The following DPP6 variants were observed in gnomAD, a reference collection of about 807,000 sequenced individuals.
DPP6 encodes the protein A-type potassium channel modulatory protein DPP6.
Under a neutral mutation model 122.6 loss-of-function variants are expected in DPP6, and 69 were observed. The observed-to-expected ratio is 0.56, with a 90% CI of 0.46 to 0.69. The LOEUF is 0.69. Among genes scored for constraint, DPP6 ranks in the 30% least tolerant of loss-of-function variants. The pLI is 0.00. For synonymous variants in DPP6, 418 were observed against 433.1 expected, an observed-to-expected ratio of 0.97 and a Z score of 0.43; for missense variants, 928 against 1,116.9, an observed-to-expected ratio of 0.83 and a Z score of 2.41.
intron 1 of DPP6, among the ~76,000 whole-genome samples, chr7:154,298,497 T>C (rs1477032096): frequency 2.6e-5 from 4 of 152,194 alleles, no homozygotes; most frequent in Non-Finnish European, 5.9e-5. Flanking sequence ...TTCTTATTTT[T>C]CTTACTAATA....
At chr7:154,681,545 G>T (rs535907101) in intron 7 of DPP6, among the ~76,000 whole-genome samples, 1 of 152,208 alleles carries the variant, frequency 6.6e-6, no homozygotes, top group Non-Finnish European at 1.5e-5. Context: ...TCGTCCTGTG[G>T]AGGGAGCAGC....
intron 3 of DPP6, among the ~76,000 whole-genome samples, chr7:154,518,582 A>G (rs1024533914): frequency 6.6e-6 from 1 of 152,154 alleles, no homozygotes; most frequent in African/African-American, 2.4e-5. Flanking sequence ...TATTGGAAGT[A>G]TGTGAAATGG....
chr7:154,562,944 C>A (rs1830518474), intron 4 of DPP6, among the ~76,000 whole-genome samples: 1 of 151,938 alleles, frequency 6.6e-6, no homozygotes, highest in South Asian at 2.1e-4. Context: ...AAGATTAAAA[C>A]CATCTTCCTT....
At chr7:154,000,378 G>A (rs919655001) in intron 1 of DPP6, among the ~76,000 whole-genome samples, 1 of 152,172 alleles carries the variant, frequency 6.6e-6, no homozygotes, top group African/African-American at 2.4e-5. Flanking sequence ...TTAGCTCCCT[G>A]TCTGCTGAGA....
In DPP6 at chr7:154,147,446, TTTCCTTCCTTCCTTCCTTCCTTCC is replaced by T. The variant is rs200682495; in HGVS notation, c.243+94406_243+94429del. On this transcript the variant is annotated intron_variant, in intron 1 of 25. Coordinates refer to ENST00000377770, the MANE Select transcript of DPP6 (RefSeq NM_130797.4). ...GGAGGTTTTACTTTCACTTTATTCA[TTTCCTTCCTTCCTTCCTTCCTTCC>T]TTCCTTCCTTCCTTCCTTCCTTTCT... Among the ~76,000 whole-genome samples, 1,301 of 143,066 alleles carry T rather than the reference TTTCCTTCCTTCCTTCCTTCCTTCC, an allele frequency of 9.1e-3. 14 individuals are homozygous for T. The highest frequency in any genetic ancestry group is 0.032 in the African/African-American group (1,205 of 37,716). The allele number at this position is 143,066 out of a possible 152,430, so 93.9% of individuals were successfully genotyped here.
chr7:154,724,614 C>T (rs1841977671), intron 7 of DPP6, among the ~76,000 whole-genome samples: 2 of 152,184 alleles, frequency 1.3e-5, no homozygotes, highest in Admixed American at 6.5e-5. Flanking sequence ...GCCTTTGGGA[C>T]ACCTTAATGT....
At position 154,203,852 on chromosome 7, in the gene DPP6, T is replaced by C. The variant is rs561972679; in HGVS notation, c.243+150789T>C. Reference sequence around the variant, plus strand: ...CTCCTCAAGTCGTCTACATTTACTTTGCCTCAGTTTCTTATAAGAAGATAG... The same window carrying C: ...CTCCTCAAGTCGTCTACATTTACTTCGCCTCAGTTTCTTATAAGAAGATAG... On this transcript the variant is annotated intron_variant, in intron 1 of 25. Coordinates refer to ENST00000377770, the MANE Select transcript of DPP6 (RefSeq NM_130797.4). Among the ~76,000 whole-genome samples, 3 of 152,364 alleles carry C rather than the reference T, an allele frequency of 2.0e-5. No homozygotes were observed. The South Asian group carries it at 6.2e-4, about 32-fold the overall frequency.
chr7:154,191,736 G>C (rs73729297), intron 1 of DPP6, among the ~76,000 whole-genome samples: 2,076 of 152,280 alleles, frequency 0.014, 50 homozygotes, highest in African/African-American at 0.048. Context: ...CCTCATTACT[G>C]ATATTAACAT....
At chr7:154,286,928 G>A (rs887754188) in intron 1 of DPP6, among the ~76,000 whole-genome samples, 5 of 151,666 alleles carry the variant, frequency 3.3e-5, no homozygotes, top group Admixed American at 2.0e-4. Context: ...TCAGCCTCCC[G>A]AGTAGCTGGA....
intron 8 of DPP6, among the ~76,000 whole-genome samples, chr7:154,749,204 A>C (rs1390102395): frequency 7.9e-5 from 11 of 138,904 alleles, no homozygotes; most frequent in African/African-American, 3.0e-4. Context: ...CTTTACTGAG[A>C]GAGGGTGAGG....
intron 1 of DPP6, among the ~76,000 whole-genome samples, chr7:154,234,115 T>G (rs1356984622): frequency 6.6e-6 from 1 of 152,136 alleles, no homozygotes; most frequent in Non-Finnish European, 1.5e-5. Flanking sequence ...GATGAAGCAG[T>G]GAATTAAGTT....
chr7:153,918,503 G>A (rs1554407096), intron 1 of DPP6, among the ~76,000 whole-genome samples: 2 of 77,380 alleles, frequency 2.6e-5, no homozygotes, highest in Admixed American at 3.0e-4. Flanking sequence ...TTCTGCCAAG[G>A]CAAAAAGAAG....
chr7:153,852,629 A>G, the DPP6 span, among the ~76,000 whole-genome samples: 3 of 152,166 alleles, frequency 2.0e-5, no homozygotes, highest in Non-Finnish European at 4.4e-5. Flanking sequence ...GTTCCAAACC[A>G]TATCAGATGC....
chr7:153,907,782 C>G (rs548191359), intron 1 of DPP6, among the ~76,000 whole-genome samples: 1 of 152,202 alleles, frequency 6.6e-6, no homozygotes, highest in Non-Finnish European at 1.5e-5. Flanking sequence ...ACATTTTGGA[C>G]TTGCCAGCTC....
intron 1 of DPP6, among the ~76,000 whole-genome samples, chr7:154,309,698 G>C (rs1290016401): frequency 6.6e-6 from 1 of 152,110 alleles, no homozygotes; most frequent in East Asian, 1.9e-4. Flanking sequence ...CCGTATTTAA[G>C]ATAAATGTGG....
the DPP6 span, among the ~76,000 whole-genome samples, chr7:153,782,008 ACG>A: frequency 7.9e-6 from 1 of 126,524 alleles, no homozygotes; most frequent in African/African-American, 3.0e-5. Flanking sequence ...ACACACACAC[ACG>A]CCTGACATTT....
chr7:154,320,479 T>G (rs2151016839), intron 1 of DPP6, among the ~76,000 whole-genome samples: 1 of 90,430 alleles, frequency 1.1e-5, no homozygotes, highest in South Asian at 4.3e-4. Context: ...TACTTTGTTT[T>G]TTTTTTTGTT....
At chr7:154,023,594 G>A (rs940212832) in intron 1 of DPP6, among the ~76,000 whole-genome samples, 1 of 151,562 alleles carries the variant, frequency 6.6e-6, no homozygotes, top group Non-Finnish European at 1.5e-5. Context: ...TGATTCTCCT[G>A]CCTCAGCCTC....
intron 1 of DPP6, among the ~76,000 whole-genome samples, chr7:153,996,739 G>C (rs951686504): frequency 9.2e-5 from 14 of 152,000 alleles, no homozygotes; most frequent in Non-Finnish European, 1.8e-4. Context: ...TCCAATAGTG[G>C]TAATTTTTAC....
Sources: allele counts gnomAD v4.1 joint callset (sites outside exome capture counted in the v4.1 genomes callset), GRCh38; gene constraint gnomAD v4.1.1; transcripts MANE v1.5; gene names NCBI Gene and HGNC (gene_info 2026-07-23, HGNC 2026-07-21).